The following PLAC9 variants were observed in gnomAD, a reference collection of about 807,000 sequenced individuals.
PLAC9 encodes the protein placenta associated 9.
A neutral mutation model predicts 11.5 loss-of-function variants in PLAC9; 12 were observed. That is an observed-to-expected ratio of 1.05 (90% confidence interval 0.67 to 1.69). The LOEUF is 1.69. Among genes scored for constraint, PLAC9 ranks in the 40% most tolerant of loss-of-function variants. PLAC9 has a pLI of 0.00. For missense variants in PLAC9, 132 were observed against 130.5 expected, an observed-to-expected ratio of 1.01 and a Z score of -0.06; for synonymous variants, 62 against 58.1, an observed-to-expected ratio of 1.07 and a Z score of -0.31.
chr10:80,135,501 T>G (rs1303999344), intron 1 of PLAC9, among the ~76,000 whole-genome samples: 2 of 151,792 alleles, frequency 1.3e-5, no homozygotes, highest in Non-Finnish European at 2.9e-5. Context: ...AATTTTTGCA[T>G]TTTTTAGTAG....
chr10:80,136,656 T>TTTTA (rs138774775), intron 1 of PLAC9, among the ~76,000 whole-genome samples: 4,108 of 146,420 alleles, frequency 0.028, 114 homozygotes, highest in African/African-American at 0.075. Flanking sequence ...TTAATTTTTA[T>TTTTA]TTTATTTATT....
At chr10:80,137,279 G>A (rs891147301) in intron 1 of PLAC9, among the ~76,000 whole-genome samples, 4 of 152,218 alleles carry the variant, frequency 2.6e-5, no homozygotes, top group Non-Finnish European at 5.9e-5. Flanking sequence ...GACACGTAGA[G>A]AACAGGGTGG....
At position 80,144,303 on chromosome 10, in the gene PLAC9, G is replaced by A. The variant is rs775335347; in HGVS notation, c.243G>A (p.Leu81=). 14 of 1,612,478 alleles carry A rather than the reference G, an allele frequency of 8.7e-6. No individual in the cohort carries two copies. In the South Asian group the frequency reaches 1.4e-4, roughly 16 times the overall value. The change falls in exon 3 of 4, where the codon CTG becomes CTA. Residue 81 remains leucine, a synonymous_variant. Transcript: ENST00000372263. ...LGLLEELAWN[L]PPGPFSPAPD... The stretch of plus-strand genomic sequence containing the variant: ...TGCTGGAGGAGCTGGCCTGGAACCT[G>A]CCCCCGGGACCCTTCAGCCCCGCTC...
At chr10:80,137,653 T>G (rs4083867) in intron 1 of PLAC9, among the ~76,000 whole-genome samples, 21,570 of 152,132 alleles carry the variant, frequency 0.14, 2,802 homozygotes, top group African/African-American at 0.35. Context: ...GGTTGTTCAC[T>G]CCTATAATCC....
At chr10:80,138,770 C>T (rs1845005818) in intron 1 of PLAC9, among the ~76,000 whole-genome samples, 1 of 152,132 alleles carries the variant, frequency 6.6e-6, no homozygotes, top group South Asian at 2.1e-4. Context: ...TAGACAACTG[C>T]AGATGGCCCC....
intron 1 of PLAC9, among the ~76,000 whole-genome samples, chr10:80,139,448 T>A (rs1013331261): frequency 3.3e-5 from 5 of 152,092 alleles, no homozygotes; most frequent in African/African-American, 4.8e-5. Flanking sequence ...ACCACATCCA[T>A]CCTGCAGACT....
At chr10:80,134,822 C>G (rs1844955195) in intron 1 of PLAC9, among the ~76,000 whole-genome samples, 1 of 137,492 alleles carries the variant, frequency 7.3e-6, no homozygotes, top group African/African-American at 2.5e-5. Flanking sequence ...ATATGTAAGT[C>G]TTCTCTCCCC....
rs1298137962 is a variant in PLAC9 at position 80,144,125 on chromosome 10, C to T, written c.163-98C>T. 4 of 1,553,748 alleles carry T rather than the reference C, an allele frequency of 2.6e-6. No individual in the cohort carries two copies. In the Admixed American group the frequency reaches 6.7e-5, roughly 26 times the overall value. On this transcript the variant is annotated intron_variant, in intron 2 of 3. Coordinates refer to ENST00000372263, the MANE Select transcript of PLAC9 (RefSeq NM_001012973.3). ...CTTAGCGCCCAGTCCTTTCCCACTG[C>T]ACCGCACTGGACCGCCAGCTGCTCT...
At chr10:80,136,655 A>ATTTT (rs1331638529) in intron 1 of PLAC9, among the ~76,000 whole-genome samples, 8 of 131,350 alleles carry the variant, frequency 6.1e-5, no homozygotes, top group Admixed American at 4.8e-4. Flanking sequence ...TTTAATTTTT[A>ATTTT]TTTTATTTAT....
intron 1 of PLAC9, among the ~76,000 whole-genome samples, chr10:80,140,750 T>C (rs1440062276): frequency 6.6e-6 from 1 of 152,080 alleles, no homozygotes; most frequent in Non-Finnish European, 1.5e-5. Flanking sequence ...GCCAGGATGG[T>C]CTCAATCTCC....
At chr10:80,135,321 CTTTT>C (rs139336508) in intron 1 of PLAC9, among the ~76,000 whole-genome samples, 1 of 67,318 alleles carries the variant, frequency 1.5e-5, no homozygotes. Context: ...TGCGCCCGGC[CTTTT>C]TTTTTTTTTT....
chr10:80,144,601 C>T (rs1402076656), intron 3 of PLAC9, among the ~76,000 whole-genome samples: 2 of 150,850 alleles, frequency 1.3e-5, no homozygotes, highest in Admixed American at 6.6e-5. Context: ...CTCAGCACAA[C>T]CCCTGCGCGG....
chr10:80,142,475 T>TG lies in PLAC9; in HGVS notation c.162+300dup, dbSNP rs1296227897. On this transcript the variant is annotated intron_variant, in intron 2 of 3. Coordinates refer to ENST00000372263, the MANE Select transcript of PLAC9 (RefSeq NM_001012973.3). ...ATATAGCCACGATTCCTAACTTGTG[T>TG]GGGGAAAAGTTTACATCTTTATTGT... is the stretch of plus-strand genomic sequence containing the variant. Among the ~76,000 whole-genome samples, 3 of 152,252 alleles carry TG rather than the reference T, an allele frequency of 2.0e-5. No individual in the cohort carries two copies. The East Asian group carries it at 5.8e-4, about 29-fold the overall frequency.
At chr10:80,139,554 T>C (rs1845016729) in intron 1 of PLAC9, among the ~76,000 whole-genome samples, 1 of 152,154 alleles carries the variant, frequency 6.6e-6, no homozygotes, top group Non-Finnish European at 1.5e-5. Context: ...CAGGATTCCT[T>C]GTTGATGCCG....
chr10:80,132,709 C>G, upstream of PLAC9: 1 of 1,403,946 alleles, frequency 7.1e-7, no homozygotes, highest in Non-Finnish European at 9.3e-7. Context: ...CGGGTGCGAT[C>G]CGGGAAGGGC....
intron 3 of PLAC9, 75 bp from the exon 4 acceptor site, chr10:80,144,825 A>T (rs1406548496): frequency 6.9e-7 from 1 of 1,440,700 alleles, no homozygotes; most frequent in Non-Finnish European, 9.2e-7. Context: ...GAAGGGAAGG[A>T]ACTGCTGGGC....
intron 1 of PLAC9, among the ~76,000 whole-genome samples, chr10:80,133,450 C>G (rs1374144004): frequency 6.6e-6 from 1 of 152,234 alleles, no homozygotes; most frequent in African/African-American, 2.4e-5. Context: ...TAGCCCAGCA[C>G]AGCCTTAAGG....
upstream of PLAC9, among the ~76,000 whole-genome samples, chr10:80,132,430 C>T (rs540995176): frequency 2.0e-5 from 3 of 152,316 alleles, no homozygotes; most frequent in South Asian, 4.1e-4. Context: ...ACCCCAGGCT[C>T]GGTCGCCTTG....
chr10:80,136,137 G>T (rs2132333466), intron 1 of PLAC9, among the ~76,000 whole-genome samples: 1 of 152,298 alleles, frequency 6.6e-6, no homozygotes, highest in South Asian at 2.1e-4. Context: ...TTTAACTGGG[G>T]CAGCCAGCCC....
Sources: allele counts gnomAD v4.1 joint callset (sites outside exome capture counted in the v4.1 genomes callset), GRCh38; gene constraint gnomAD v4.1.1; transcripts MANE v1.5; gene names NCBI Gene and HGNC (gene_info 2026-07-23, HGNC 2026-07-21).